The following VWA1 variants were observed in gnomAD, a reference collection of about 807,000 sequenced individuals.
VWA1 encodes von Willebrand factor A domain-containing protein 1.
A neutral mutation model predicts 14.9 loss-of-function variants in VWA1; 12 were observed. The observed-to-expected ratio is 0.80, with a 90% CI of 0.52 to 1.30. The LOEUF is 1.30. Among genes scored for constraint, VWA1 ranks in the 50% most tolerant of loss-of-function variants. The pLI, the probability that VWA1 is intolerant of heterozygous loss-of-function variation, is 0.00. For synonymous variants in VWA1, 368 were observed against 310.7 expected, an observed-to-expected ratio of 1.18 and a Z score of -1.94; for missense variants, 800 against 649.1, an observed-to-expected ratio of 1.23 and a Z score of -2.53.
rs1327156696 is a variant in VWA1, at chr1:1,439,845, G to A, written c.*58G>A. 9.5e-6 allele frequency: 10 copies of A among 1,050,634 alleles called. No homozygotes were observed. In the African/African-American group the frequency reaches 1.2e-4, roughly 13 times the overall value. 65.1% of individuals were successfully genotyped at this position (1,050,634 alleles called of 1,614,324 possible). On this transcript the variant is annotated 3_prime_UTR_variant, in exon 3 of 3. Coordinates refer to ENST00000476993, the MANE Select transcript of VWA1 (RefSeq NM_022834.5). ...GCCTACCTGAGGGCCCCTGTGTCCC[G>A]AACCCGGAGCGGAGGCGCCCAACCC...
chr1:1,439,269 G>T lies in VWA1; in HGVS notation c.820G>T (p.Asp274Tyr). 1.9e-6 allele frequency: 3 copies of T among 1,605,960 alleles called. No homozygotes were observed. Among genetic ancestry groups the T allele is most frequent in the South Asian group, 1.1e-5 (1 of 90,636 alleles). The change falls in exon 3 of 3, where the codon GAC becomes TAC. Residue 274 changes from aspartate to tyrosine, a missense_variant. Asp to Tyr is a radical substitution (Grantham distance 160). Coordinates refer to ENST00000476993, the MANE Select transcript of VWA1 (RefSeq NM_022834.5). ...NATDWIWAGL[D>Y]PDTDYDVALV... ...CACGGACTGGATCTGGGCCGGCCTC[G>T]ACCCGGACACGGACTACGACGTGGC... is the stretch of plus-strand genomic sequence containing the variant.
In VWA1 at chr1:1,439,437, C is replaced by T; in HGVS notation, c.988C>T (p.Pro330Ser). Residue 330 changes from proline to serine, a missense_variant, in exon 3 of 3, where the codon CCA (proline) becomes TCA (serine). By Grantham distance (74) the Pro-to-Ser change is moderately conservative. Coordinates refer to ENST00000476993, the MANE Select transcript of VWA1 (RefSeq NM_022834.5). ...CACGCAGCTCGCCGCCCTCCCCGCC[C>T]CAGAGGAGGCCGGGCCAGAGCGCAT... is the stretch of plus-strand genomic sequence containing the variant. ...APTQLAALPA[P>S]EEAGPERIVI... 7.1e-7 allele frequency: 1 copy of T among 1,408,652 alleles called. No homozygotes were observed. The highest frequency in any genetic ancestry group is 9.1e-7 in the Non-Finnish European group (1 of 1,094,288). The allele number at this position is 1,408,652 out of a possible 1,614,324, so 87.3% of individuals were successfully genotyped here.
At chr1:1,435,873 G>T (rs1193971162) in intron 1 of VWA1, 52 bp downstream of exon 1, 18 of 1,059,578 alleles carry the variant, frequency 1.7e-5, no homozygotes, top group Non-Finnish European at 1.8e-5. Flanking sequence ...TGACCGCTCT[G>T]CGCCGCTGCC....
rs371003158 is a variant in VWA1 at position 1,439,160 on chromosome 1, C to T, written c.711C>T (p.Thr237=). ...GFRLAWPPLL[T]ADSGYYVLEL... Reference sequence around the variant, plus strand: ...GCCTGGCCTGGCCACCCCTGCTGACCGCAGACTCGGGCTACTATGTGCTGG... The same window carrying T: ...GCCTGGCCTGGCCACCCCTGCTGACTGCAGACTCGGGCTACTATGTGCTGG... Residue 237 remains threonine, a synonymous_variant, in exon 3 of 3, where the codon ACC becomes ACT. Transcript: ENST00000476993. 31 of 1,603,546 alleles carry T rather than the reference C, an allele frequency of 1.9e-5. No homozygotes were observed. Among genetic ancestry groups the T allele is most frequent in the African/African-American group, 5.3e-5 (4 of 74,912 alleles).
chr1:1,439,631 G>A lies in VWA1; in HGVS notation c.1182G>A (p.Ala394=), dbSNP rs763191819. Reference sequence around the variant, plus strand: ...ACTGCACCACGCTGCAGGGCCTGGCGCCGGGCACCGCCTACCTGGTGACCG... The same window carrying A: ...ACTGCACCACGCTGCAGGGCCTGGCACCGGGCACCGCCTACCTGGTGACCG... ...GRNCTTLQGL[A]PGTAYLVTVT... Residue 394 remains alanine, a synonymous_variant, in exon 3 of 3, where the codon GCG becomes GCA. Transcript: ENST00000476993. The A allele has an allele frequency of 7.6e-7, 1 of 1,312,482 alleles. No homozygotes were observed. Among genetic ancestry groups the A allele is most frequent in the Non-Finnish European group, 9.7e-7 (1 of 1,026,570 alleles). The allele number at this position is 1,312,482 out of a possible 1,614,324, so 81.3% of individuals were successfully genotyped here.
At chr1:1,436,026 C>T (rs936702501) in intron 1 of VWA1, among the ~76,000 whole-genome samples, 5 of 152,180 alleles carry the variant, frequency 3.3e-5, no homozygotes, top group African/African-American at 2.4e-5. Context: ...CCGTGAGCGC[C>T]GGGGCATAGG....
At position 1,437,153 on chromosome 1, in the gene VWA1, G is replaced by C. The variant is rs575792612; in HGVS notation, c.300G>C (p.Ala100=). ...QHSSGEAAQD[A]VRASAQRMGD... is the part of the protein sequence containing the mutation. ...GCTCGGGTGAGGCTGCCCAGGATGC[G>C]GTGCGTGCTTCTGCCCAGCGCATGG... Residue 100 remains alanine, a synonymous_variant, in exon 2 of 3, where the codon GCG becomes GCC. Coordinates refer to ENST00000476993, the MANE Select transcript of VWA1 (RefSeq NM_022834.5). 1 of 1,607,838 alleles carries C rather than the reference G, an allele frequency of 6.2e-7. No homozygotes were observed. Among genetic ancestry groups the C allele is most frequent in the Non-Finnish European group, 8.5e-7 (1 of 1,176,542 alleles).
intron 1 of VWA1, chr1:1,436,670 G>T: frequency 2.2e-6 from 1 of 450,444 alleles, no homozygotes; most frequent in Non-Finnish European, 4.0e-6. Flanking sequence ...AGGTGTGGGG[G>T]CTTGGAGCGG....
intron 1 of VWA1, 67 bp downstream of exon 1, chr1:1,435,888 C>A: frequency 6.0e-6 from 3 of 497,996 alleles, no homozygotes; most frequent in Non-Finnish European, 7.8e-6. Flanking sequence ...GCTGCCCGCG[C>A]AAGGCCGTCG....
intron 1 of VWA1, chr1:1,436,688 C>A: frequency 2.0e-6 from 1 of 492,888 alleles, no homozygotes; most frequent in African/African-American, 2.0e-5. Flanking sequence ...CGGAGAGTCG[C>A]CCTCTCACAG....
In VWA1 at chr1:1,440,013, C is replaced by T; in HGVS notation, c.*226C>T. 3.0e-6 allele frequency: 1 copy of T among 331,804 alleles called. No homozygotes were observed. The highest frequency in any genetic ancestry group is 1.3e-4 in the South Asian group (1 of 7,674). The allele number at this position is 331,804 out of a possible 1,614,324, so 20.6% of individuals were successfully genotyped here. A position where few individuals can be genotyped will look rare whatever the true frequency, so the allele number is the denominator to read the frequency against. ...TGGCGGGACCCCGCAGCAGCCCCGG[C>T]CCCATCCCCGCCCAGAGCCGGGCGT... On this transcript the variant is annotated 3_prime_UTR_variant, in exon 3 of 3. Transcript: ENST00000476993.
rs1055286636 is a variant in VWA1, at chr1:1,441,721, T to A, written c.*1934T>A. On this transcript the variant is annotated 3_prime_UTR_variant, in exon 3 of 3. Transcript: ENST00000476993. ...CGGTCACGTGAGAGGAGATGCCTCT[T>A]GCACACTGAGCCCAGGCCCAGCTCA... 3 of 152,324 alleles carry A rather than the reference T, an allele frequency of 2.0e-5. No homozygotes were observed. The highest frequency in any genetic ancestry group is 7.2e-5 in the African/African-American group (3 of 41,450). 9.4% of individuals were successfully genotyped at this position (152,324 alleles called of 1,614,324 possible).
intron 1 of VWA1, 162 bp from the exon 2 acceptor site, chr1:1,436,765 G>A (rs773206213): frequency 2.0e-5 from 14 of 688,766 alleles, no homozygotes; most frequent in Non-Finnish European, 2.2e-5. Flanking sequence ...ACCCCCAAAA[G>A]TACAGGCCTC....
chr1:1,439,577 G>A lies in VWA1; in HGVS notation c.1128G>A (p.Ala376=). ...TCGGGCCGCTGCGGGGCGGGGAGGC[G>A]CAGCGGGTGGAGGTGCCCGCGGGCC... ...VQFGPLRGGE[A]QRVEVPAGRN... The change falls in exon 3 of 3, where the codon GCG becomes GCA. Residue 376 remains alanine, a synonymous_variant. Coordinates refer to ENST00000476993, the MANE Select transcript of VWA1 (RefSeq NM_022834.5). The A allele has an allele frequency of 3.8e-6, 5 of 1,302,964 alleles. No homozygotes were observed. The highest frequency in any genetic ancestry group is 3.5e-5 in the South Asian group (2 of 57,208). 80.7% of individuals were successfully genotyped at this position (1,302,964 alleles called of 1,614,324 possible).
In VWA1 at chr1:1,439,736, A is replaced by ACGCCCCGTGCCCCG; in HGVS notation, c.1295_1308dup (p.Thr437CysfsTer107). The ACGCCCCGTGCCCCG allele has an allele frequency of 9.0e-7, 1 of 1,116,290 alleles. No individual in the cohort carries two copies. Among genetic ancestry groups the ACGCCCCGTGCCCCG allele is most frequent in the East Asian group, 5.8e-5 (1 of 17,260 alleles). The allele number at this position is 1,116,290 out of a possible 1,614,324, so 69.1% of individuals were successfully genotyped here. On this transcript the variant is annotated frameshift_variant, in exon 3 of 3. Transcript: ENST00000476993. LOFTEE classifies it low-confidence loss of function (END_TRUNC). ...CGCCCGACGGCCCGCGCCCGCGCCC[A>ACGCCCCGTGCCCCG]CGCCCCGTGCCCCGCGCCCCGACCC...
In VWA1 at chr1:1,439,241, C is replaced by T. The variant is rs1442443823; in HGVS notation, c.792C>T (p.Asn264=). 6 of 1,607,370 alleles carry T rather than the reference C, an allele frequency of 3.7e-6. No homozygotes were observed. Among genetic ancestry groups the T allele is most frequent in the East Asian group, 4.5e-5 (2 of 44,804 alleles). Residue 264 remains asparagine (N), a synonymous_variant, in exon 3 of 3, where the codon AAC becomes AAT. Coordinates refer to ENST00000476993, the MANE Select transcript of VWA1 (RefSeq NM_022834.5). ...GAARRQQLPG[N]ATDWIWAGLD... is the part of the protein sequence containing the mutation. ...CAAGACGCCAGCAGCTGCCAGGGAACGCCACGGACTGGATCTGGGCCGGCC... is the reference window on the plus strand; with the variant it reads ...CAAGACGCCAGCAGCTGCCAGGGAATGCCACGGACTGGATCTGGGCCGGCC...
rs780151963 is a variant in VWA1 at position 1,439,154 on chromosome 1, G to C, written c.705G>C (p.Leu235=). Residue 235 remains leucine, a synonymous_variant, in exon 3 of 3, where the codon CTG becomes CTC. Coordinates refer to ENST00000476993, the MANE Select transcript of VWA1 (RefSeq NM_022834.5). ...GCTTCCGCCTGGCCTGGCCACCCCT[G>C]CTGACCGCAGACTCGGGCTACTATG... ...SSGFRLAWPP[L]LTADSGYYVL... 2.5e-6 allele frequency: 4 copies of C among 1,603,070 alleles called. No homozygotes were observed. Among genetic ancestry groups the C allele is most frequent in the Middle Eastern group, 1.7e-4 (1 of 6,052 alleles).
chr1:1,437,994 G>C (rs1025259356), intron 2 of VWA1, among the ~76,000 whole-genome samples: 1 of 152,202 alleles, frequency 6.6e-6, no homozygotes, highest in African/African-American at 2.4e-5. Flanking sequence ...TGAGAGGCCG[G>C]ACCAGGGAAG....
chr1:1,439,005 C>T (rs1638600433), intron 2 of VWA1, 76 bp from the exon 3 acceptor site: 1 of 1,494,268 alleles, frequency 6.7e-7, no homozygotes, highest in African/African-American at 1.4e-5. Context: ...CCAGATCTTC[C>T]CCATCAGCCA....
Sources: allele counts gnomAD v4.1 joint callset (sites outside exome capture counted in the v4.1 genomes callset), GRCh38; gene constraint gnomAD v4.1.1; transcripts MANE v1.5; gene names NCBI Gene and HGNC (gene_info 2026-07-23, HGNC 2026-07-21).